Variants in UNC5C observed in about 807,000 individuals in gnomAD.
UNC5C encodes the protein unc-5 netrin receptor C.
Under a neutral mutation model 99.8 loss-of-function variants are expected in UNC5C, and 47 were observed. The ratio of observed to expected loss-of-function variants is 0.47; its 90% CI spans 0.37 to 0.60. The LOEUF (loss-of-function observed/expected upper bound fraction) is 0.60. Ranked by LOEUF, UNC5C falls within the 20% of genes least tolerant of loss-of-function variation. The pLI is 0.00. For synonymous variants in UNC5C, 487 were observed against 452.2 expected, an observed-to-expected ratio of 1.08 and a Z score of -0.98; for missense variants, 1,062 against 1,165.9, an observed-to-expected ratio of 0.91 and a Z score of 1.30.
intron 1 of UNC5C, among the ~76,000 whole-genome samples, chr4:95,514,926 C>G (rs1284256645): frequency 6.6e-6 from 1 of 151,982 alleles, no homozygotes; most frequent in Non-Finnish European, 1.5e-5. Flanking sequence ...CCTGCCTCAG[C>G]CTCCCAAAGT....
At chr4:95,406,663 TAAC>T (rs1254901212) in intron 1 of UNC5C, among the ~76,000 whole-genome samples, 3 of 152,212 alleles carry the variant, frequency 2.0e-5, no homozygotes, top group African/African-American at 4.8e-5. Context: ...TCTACTTCAT[TAAC>T]AACGTTTACT....
chr4:95,496,087 G>T (rs1359535863), intron 1 of UNC5C, among the ~76,000 whole-genome samples: 1 of 151,726 alleles, frequency 6.6e-6, no homozygotes, highest in African/African-American at 2.4e-5. Context: ...AACATCTGAG[G>T]ACTAGAAGAT....
intron 1 of UNC5C, among the ~76,000 whole-genome samples, chr4:95,471,155 C>T (rs985244088): frequency 2.0e-5 from 3 of 151,810 alleles, no homozygotes; most frequent in Admixed American, 6.6e-5. Context: ...GGTGGTAAGC[C>T]GTTACTGAGA....
chr4:95,206,513 G>T, intron 11 of UNC5C, 115 bp downstream of exon 11: 1 of 1,454,088 alleles, frequency 6.9e-7, no homozygotes, highest in Non-Finnish European at 9.3e-7. Flanking sequence ...CATTTTGAGG[G>T]TGAGCTAAAA....
intron 1 of UNC5C, among the ~76,000 whole-genome samples, chr4:95,525,738 A>G (rs1722482863): frequency 6.6e-6 from 1 of 151,870 alleles, no homozygotes; most frequent in Admixed American, 6.6e-5. Context: ...CTGTTGTTGT[A>G]TAGAGTAACT....
intron 4 of UNC5C, among the ~76,000 whole-genome samples, chr4:95,262,822 T>A (rs1226559613): frequency 6.6e-5 from 10 of 151,584 alleles, no homozygotes; most frequent in South Asian, 4.2e-4. Context: ...TTCCCTATTT[T>A]TTTTTTTTTT....
intron 1 of UNC5C, among the ~76,000 whole-genome samples, chr4:95,410,179 C>G (rs1033356854): frequency 2.6e-5 from 4 of 152,042 alleles, no homozygotes; most frequent in Admixed American, 1.3e-4. Context: ...CAGATGACAC[C>G]GCTGATTTTC....
chr4:95,349,329 G>A (rs1162805890), intron 1 of UNC5C, among the ~76,000 whole-genome samples: 10 of 135,128 alleles, frequency 7.4e-5, no homozygotes, highest in African/African-American at 2.7e-4. Context: ...AAGGGTGTGT[G>A]TGTGTGTGTG....
At chr4:95,194,111 C>T (rs899280128) in intron 12 of UNC5C, among the ~76,000 whole-genome samples, 3 of 151,480 alleles carry the variant, frequency 2.0e-5, no homozygotes, top group African/African-American at 7.3e-5. Flanking sequence ...TGAGCTGCCA[C>T]TTCCAGCCTG....
At chr4:95,174,208 AT>A (rs1222116505) in intron 14 of UNC5C, among the ~76,000 whole-genome samples, 3 of 151,826 alleles carry the variant, frequency 2.0e-5, no homozygotes, top group African/African-American at 4.8e-5. Context: ...GGATTCATTA[AT>A]TTTTTGAAGG....
intron 1 of UNC5C, among the ~76,000 whole-genome samples, chr4:95,534,703 A>C (rs2149493874): frequency 6.6e-6 from 1 of 152,260 alleles, no homozygotes; most frequent in East Asian, 1.9e-4. Flanking sequence ...TCTGTTCATT[A>C]GTCCATTTTA....
At chr4:95,470,427 C>T (rs1052996177) in intron 1 of UNC5C, among the ~76,000 whole-genome samples, 4 of 151,964 alleles carry the variant, frequency 2.6e-5, no homozygotes, top group Admixed American at 6.6e-5. Context: ...GTTACCTGGT[C>T]GACAGAGAAT....
chr4:95,306,495 C>A (rs1163815920), intron 2 of UNC5C, among the ~76,000 whole-genome samples: 1 of 152,112 alleles, frequency 6.6e-6, no homozygotes, highest in Non-Finnish European at 1.5e-5. Context: ...AGCCACCACG[C>A]CTGCCTCTTC....
intron 1 of UNC5C, among the ~76,000 whole-genome samples, chr4:95,530,562 G>C (rs558455301): frequency 3.9e-4 from 59 of 152,280 alleles, no homozygotes; most frequent in African/African-American, 1.4e-3. Flanking sequence ...TTTCCTGTAA[G>C]TTAATACTAA....
intron 1 of UNC5C, among the ~76,000 whole-genome samples, chr4:95,548,048 C>T (rs1249610371): frequency 1.3e-5 from 2 of 152,206 alleles, no homozygotes; most frequent in African/African-American, 4.8e-5. Flanking sequence ...ATTTTCATTT[C>T]TACATCCCCT....
chr4:95,261,823 C>T (rs1740245106), intron 4 of UNC5C, among the ~76,000 whole-genome samples: 2 of 152,082 alleles, frequency 1.3e-5, no homozygotes. Context: ...CCTACCTCAG[C>T]CTCCTGAGTA....
intron 1 of UNC5C, among the ~76,000 whole-genome samples, chr4:95,476,530 C>T (rs191080088): frequency 4.6e-5 from 7 of 151,930 alleles, no homozygotes; most frequent in East Asian, 1.9e-4. Context: ...TAGTTTTTTT[C>T]GGAGAAGACT....
At chr4:95,334,243 G>T (rs570603487) in intron 2 of UNC5C, among the ~76,000 whole-genome samples, 11 of 152,054 alleles carry the variant, frequency 7.2e-5, no homozygotes, top group African/African-American at 2.4e-4. Flanking sequence ...CTTGAAAGTA[G>T]AAAGTAGAGC....
intron 1 of UNC5C, among the ~76,000 whole-genome samples, chr4:95,421,644 T>C (rs946320408): frequency 2.2e-5 from 2 of 90,776 alleles, no homozygotes; most frequent in Non-Finnish European, 4.9e-5. Context: ...ACACACACAC[T>C]GCTAATTGTT....
Sources: allele counts gnomAD v4.1 joint callset (sites outside exome capture counted in the v4.1 genomes callset), GRCh38; gene constraint gnomAD v4.1.1; transcripts MANE v1.5; gene names NCBI Gene and HGNC (gene_info 2026-07-23, HGNC 2026-07-21).